GRID1: variants seen among roughly 807,000 people sequenced by gnomAD.
GRID1 encodes the protein glutamate receptor ionotropic, delta-1.
A neutral mutation model predicts 98.0 loss-of-function variants in GRID1; 28 were observed. The observed-to-expected ratio is 0.29, with a 90% CI of 0.21 to 0.39. The LOEUF is 0.39. GRID1 is among the 10% of genes least tolerant of loss of function. The pLI is 1.00. For synonymous variants in GRID1, 553 were observed against 538.5 expected (o/e 1.03, Z -0.37); for missense variants, 1,111 against 1,340.5 (o/e 0.83, Z 2.67).
intron 4 of GRID1, among the ~76,000 whole-genome samples, chr10:86,111,208 C>A (rs1164188874): frequency 2.6e-5 from 4 of 151,856 alleles, no homozygotes; most frequent in Non-Finnish European, 5.9e-5. Context: ...TTTTTTTTAC[C>A]CAGGCTCAGA....
chr10:85,861,914 G>A (rs76778149), intron 6 of GRID1, among the ~76,000 whole-genome samples: 11,328 of 152,244 alleles, frequency 0.074, 490 homozygotes, highest in Middle Eastern at 0.14. Context: ...TTTTTACCTA[G>A]GGAGATGGTA....
intron 4 of GRID1, among the ~76,000 whole-genome samples, chr10:85,994,974 T>C (rs1175065859): frequency 1.3e-5 from 2 of 152,364 alleles, no homozygotes; most frequent in African/African-American, 4.8e-5. Flanking sequence ...TTAACCTTCA[T>C]AGACACTGTT....
Position 85,856,047 on chromosome 10 carries a change from C to A in GRID1, c.1095G>T (p.Met365Ile). 6.2e-7 allele frequency: 1 copy of A among 1,614,034 alleles called. No homozygotes were observed. The highest frequency in any genetic ancestry group is 8.5e-7 in the Non-Finnish European group (1 of 1,180,010). Reference protein sequence around the residue: ...STKPWNGGRSMLDTIKKGHIT... With the variant: ...STKPWNGGRSILDTIKKGHIT... ...CACGTACCTTTTTGATGGTATCCAG[C>A]ATGGACCTCCCACCATTCCATGGCT... The change falls in exon 7 of 16, where the codon ATG (methionine) becomes ATT (isoleucine). Residue 365 changes from methionine to isoleucine, a missense_variant. By Grantham distance (10) the Met-to-Ile change is conservative (BLOSUM62 1). Transcript: ENST00000327946.
intron 4 of GRID1, among the ~76,000 whole-genome samples, chr10:86,110,270 G>A (rs373357680): frequency 4.4e-4 from 67 of 152,188 alleles, no homozygotes; most frequent in South Asian, 2.5e-3. Context: ...CACCGCCCCC[G>A]GCCTTCCATT....
chr10:85,772,606 A>G (rs1230664780), intron 8 of GRID1, among the ~76,000 whole-genome samples: 1 of 152,214 alleles, frequency 6.6e-6, no homozygotes, highest in Non-Finnish European at 1.5e-5. Flanking sequence ...AGAGAGAAGA[A>G]GCAAATAGAC....
At chr10:85,886,476 T>TG (rs1278966849) in intron 5 of GRID1, among the ~76,000 whole-genome samples, 1 of 152,180 alleles carries the variant, frequency 6.6e-6, no homozygotes, top group South Asian at 2.1e-4. Context: ...GGACTTGAAA[T>TG]GGGGTACAGG....
intron 2 of GRID1, among the ~76,000 whole-genome samples, chr10:86,255,540 C>G (rs1456917338): frequency 6.6e-6 from 1 of 152,234 alleles, no homozygotes; most frequent in African/African-American, 2.4e-5. Flanking sequence ...GCACATCTGG[C>G]TAGGCTCTGT....
intron 5 of GRID1, among the ~76,000 whole-genome samples, chr10:85,880,575 C>T (rs1022423915): frequency 3.3e-5 from 5 of 151,822 alleles, no homozygotes; most frequent in Non-Finnish European, 7.4e-5. Flanking sequence ...TTCAACAACC[C>T]TTCATGCTAA....
intron 4 of GRID1, among the ~76,000 whole-genome samples, chr10:86,041,338 G>A (rs1843342673): frequency 6.6e-6 from 1 of 152,210 alleles, no homozygotes; most frequent in Non-Finnish European, 1.5e-5. Flanking sequence ...GCATCTGCTT[G>A]CACCATTACT....
At chr10:85,672,345 G>A (rs1841096120) in intron 12 of GRID1, among the ~76,000 whole-genome samples, 1 of 152,162 alleles carries the variant, frequency 6.6e-6, no homozygotes, top group African/African-American at 2.4e-5. Context: ...GTCTTCCTCT[G>A]TGGCCAGGCC....
At chr10:85,933,986 A>G (rs147666252) in intron 4 of GRID1, among the ~76,000 whole-genome samples, 43 of 152,302 alleles carry the variant, frequency 2.8e-4, no homozygotes, top group African/African-American at 1.0e-3. Context: ...CAACATAAAT[A>G]TAGGCTGAGG....
intron 2 of GRID1, among the ~76,000 whole-genome samples, chr10:86,227,188 G>T (rs998741908): frequency 6.6e-6 from 1 of 152,218 alleles, no homozygotes; most frequent in Non-Finnish European, 1.5e-5. Flanking sequence ...CCTGGGGAAA[G>T]GAGAAGCCTG....
At chr10:86,111,247 G>T (rs1406142738) in intron 4 of GRID1, among the ~76,000 whole-genome samples, 1 of 152,098 alleles carries the variant, frequency 6.6e-6, no homozygotes, top group Non-Finnish European at 1.5e-5. Context: ...CTGCCTACAT[G>T]CCCTTGGCCA....
chr10:86,339,984 G>T (rs996682443), intron 2 of GRID1, among the ~76,000 whole-genome samples: 1 of 152,152 alleles, frequency 6.6e-6, no homozygotes, highest in African/African-American at 2.4e-5. Context: ...CGGGAGGGGC[G>T]GCAGTGGGGT....
intron 2 of GRID1, among the ~76,000 whole-genome samples, chr10:86,326,717 G>A (rs952780549): frequency 6.6e-6 from 1 of 152,218 alleles, no homozygotes; most frequent in African/African-American, 2.4e-5. Flanking sequence ...ACATAATGTC[G>A]GAGGTGTGGG....
At position 85,857,989 on chromosome 10, in the gene GRID1, A is replaced by G. The variant is rs1843129434; in HGVS notation, c.952-1799T>C. ...GCAACTGAAGCTGAAGTCTGAGATG[A>G]GCCAATAGGAGGTGCAAGGCATCAC... On this transcript the variant is annotated intron_variant, in intron 6 of 15. Coordinates refer to ENST00000327946, the MANE Select transcript of GRID1 (RefSeq NM_017551.3). Among the ~76,000 whole-genome samples the G allele has an allele frequency of 3.3e-5, 5 of 152,210 alleles. No individual in the cohort carries two copies. The South Asian group carries it at 1.0e-3, about 32-fold the overall frequency.
At chr10:85,654,634 C>T (rs980043507) in intron 12 of GRID1, among the ~76,000 whole-genome samples, 2 of 152,170 alleles carry the variant, frequency 1.3e-5, no homozygotes, top group African/African-American at 4.8e-5. Flanking sequence ...CCCTATCAAA[C>T]ACCCTGTCCA....
intron 12 of GRID1, among the ~76,000 whole-genome samples, chr10:85,666,540 G>A (rs1395227683): frequency 6.6e-6 from 1 of 152,220 alleles, no homozygotes; most frequent in Non-Finnish European, 1.5e-5. Context: ...TTTAGTTGAG[G>A]TTGGCTTGTA....
chr10:85,632,571 G>GT (rs202093602), intron 13 of GRID1, among the ~76,000 whole-genome samples: 2,252 of 152,112 alleles, frequency 0.015, 36 homozygotes, highest in South Asian at 0.046. Flanking sequence ...ACTTTTTAAG[G>GT]TTTTTTTGTT....
Sources: gnomAD v4.1 joint callset for allele counts (sites outside exome capture counted in the v4.1 genomes callset) on GRCh38, gnomAD v4.1.1 for gene constraint, MANE v1.5 for transcripts, NCBI Gene and HGNC (gene_info 2026-07-23, HGNC 2026-07-21) for gene names.